Variants in SARM1 observed in about 807,000 individuals in gnomAD.
SARM1 encodes sterile alpha and TIR motif containing 1, also known as NAD(+) hydrolase SARM1.
SARM1 carries 60 observed loss-of-function variants against 65.1 expected under a neutral mutation model. That is an observed-to-expected ratio of 0.92 (90% CI 0.75 to 1.14). The LOEUF is 1.14. Ranked by LOEUF, SARM1 falls within the 50% of genes most tolerant of loss-of-function variation. The probability of loss-of-function intolerance (pLI) is 0.00; values close to 1 mark genes in which losing one functional copy is unlikely to be tolerated. For missense variants in SARM1, 913 were observed against 1,015.7 expected, an observed-to-expected ratio of 0.90 and a Z score of 1.37; for synonymous variants, 417 against 465.4, an observed-to-expected ratio of 0.90 and a Z score of 1.34.
At chr17:28,379,373 C>T (rs1341678566) in intron 1 of SARM1, among the ~76,000 whole-genome samples, 1 of 127,968 alleles carries the variant, frequency 7.8e-6, no homozygotes, top group Non-Finnish European at 1.5e-5. Flanking sequence ...TGCAGTGGTG[C>T]CATCTTGGCT....
intron 5 of SARM1, among the ~76,000 whole-genome samples, chr17:28,387,138 G>T (rs560958927): frequency 6.6e-6 from 1 of 152,196 alleles, no homozygotes; most frequent in Non-Finnish European, 1.5e-5. Context: ...GTTTTTAAGT[G>T]GGAGGAATGA....
Position 28,402,458 on chromosome 17 carries a change from G to A in SARM1, c.*6172G>A. The A allele has an allele frequency of 5.8e-6, 4 of 684,230 alleles. No homozygotes were observed. Among genetic ancestry groups the A allele is most frequent in the Non-Finnish European group, 1.0e-5 (4 of 396,854 alleles). 42.4% of individuals were successfully genotyped at this position (684,230 alleles called of 1,614,324 possible). A position where few individuals can be genotyped will look rare whatever the true frequency, so the allele number is the denominator to read the frequency against. ...GAAGAACTTCCTTGATGGTGAGGGT[G>A]GGAAGACAGTAGTCAAGGAGGAATG... On this transcript the variant is annotated 3_prime_UTR_variant, in exon 9 of 9. Coordinates refer to ENST00000585482, the MANE Select transcript of SARM1 (RefSeq NM_015077.4).
intron 2 of SARM1, 94 bp downstream of exon 2, chr17:28,381,915 C>T: frequency 4.5e-6 from 6 of 1,336,386 alleles, no homozygotes; most frequent in Non-Finnish European, 5.8e-6. Flanking sequence ...TCTTGAAATA[C>T]ACATCAGAAT....
intron 5 of SARM1, among the ~76,000 whole-genome samples, chr17:28,386,836 C>G (rs1042249774): frequency 6.6e-6 from 1 of 152,192 alleles, no homozygotes; most frequent in Admixed American, 6.5e-5. Context: ...ACCTCCCGGG[C>G]TCAAGTGATT....
intron 7 of SARM1, among the ~76,000 whole-genome samples, chr17:28,392,249 C>T (rs1394213895): frequency 1.3e-5 from 2 of 151,708 alleles, no homozygotes; most frequent in Non-Finnish European, 2.9e-5. Context: ...GTAGCTGGGA[C>T]TACAGGCACA....
chr17:28,374,896 C>T (rs2067979965), intron 1 of SARM1, among the ~76,000 whole-genome samples: 1 of 148,994 alleles, frequency 6.7e-6, no homozygotes, highest in Admixed American at 6.8e-5. Flanking sequence ...TGGCTTGAGC[C>T]CAGGAGGCGG....
At chr17:28,386,984 C>T (rs1358034538) in intron 5 of SARM1, among the ~76,000 whole-genome samples, 1 of 152,160 alleles carries the variant, frequency 6.6e-6, no homozygotes, top group Non-Finnish European at 1.5e-5. Flanking sequence ...AGCAATCTTC[C>T]CAACTTAGCC....
intron 2 of SARM1, among the ~76,000 whole-genome samples, chr17:28,382,094 G>A (rs1555585381): frequency 6.6e-6 from 1 of 152,136 alleles, no homozygotes; most frequent in African/African-American, 2.4e-5. Flanking sequence ...AAAGGGGCTT[G>A]GCAAGGGTGA....
chr17:28,381,854 G>A, intron 2 of SARM1, 33 bp downstream of exon 2: 1 of 1,404,818 alleles, frequency 7.1e-7, no homozygotes. Context: ...GTGGATCAGG[G>A]GTTAGAGAGC....
Position 28,385,069 on chromosome 17 carries a change from CCTT to C in SARM1, c.1426_1428del (p.Phe476del). ...TTTAGGGAGCTCACGGAGCTCAAGA[CCTT>C]CGCCAACTATTCTACGTGCGACCGC... On this transcript the variant is annotated inframe_deletion, in exon 5 of 9. Coordinates refer to ENST00000585482, the MANE Select transcript of SARM1 (RefSeq NM_015077.4). The surrounding 1 kb of genome is among the most constrained non-coding windows in gnomAD (Gnocchi z 4.5). 1 of 1,613,882 alleles carries C rather than the reference CCTT, an allele frequency of 6.2e-7. No homozygotes were observed. The highest frequency in any genetic ancestry group is 8.5e-7 in the Non-Finnish European group (1 of 1,179,828).
At position 28,384,647 on chromosome 17, in the gene SARM1, C is replaced by G; in HGVS notation, c.1302+78C>G. ...CAGGGACTGCGTTCCCTCCCCGCCTCGCAATCCCGCGGCGCCAGGGTCGCT... is the reference window on the plus strand; with the variant it reads ...CAGGGACTGCGTTCCCTCCCCGCCTGGCAATCCCGCGGCGCCAGGGTCGCT... On this transcript the variant is annotated intron_variant, in intron 3 of 8. Transcript: ENST00000585482. The surrounding 1 kb of genome is among the most constrained non-coding windows in gnomAD (Gnocchi z 4.4). 1 of 1,405,630 alleles carries G rather than the reference C, an allele frequency of 7.1e-7. No homozygotes were observed. Among genetic ancestry groups the G allele is most frequent in the Non-Finnish European group, 9.6e-7 (1 of 1,039,576 alleles). The allele number at this position is 1,405,630 out of a possible 1,614,324, so 87.1% of individuals were successfully genotyped here. A position where few individuals can be genotyped will look rare whatever the true frequency, so the allele number is the denominator to read the frequency against.
At chr17:28,387,670 C>T (rs1340234300) in intron 5 of SARM1, among the ~76,000 whole-genome samples, 2 of 152,228 alleles carry the variant, frequency 1.3e-5, no homozygotes, top group African/African-American at 2.4e-5. Flanking sequence ...TAGTACTGAG[C>T]GTGGCTCCAG....
Position 28,396,951 on chromosome 17 carries a change from C to T in SARM1, c.*665C>T, listed in dbSNP as rs2142446004. The T allele has an allele frequency of 6.6e-6, 1 of 152,552 alleles. No homozygotes were observed. Among genetic ancestry groups the T allele is most frequent in the African/African-American group, 2.4e-5 (1 of 41,596 alleles). The allele number at this position is 152,552 out of a possible 1,614,324, so 9.4% of individuals were successfully genotyped here. A position where few individuals can be genotyped will look rare whatever the true frequency, so the allele number is the denominator to read the frequency against. On this transcript the variant is annotated 3_prime_UTR_variant, in exon 9 of 9. Transcript: ENST00000585482. Reference sequence around the variant, plus strand: ...CCAGCCCTCCCTCTGACTTCCTTGTCACTGCAGCCAGCTTTGCTGCACTTG... The same window carrying T: ...CCAGCCCTCCCTCTGACTTCCTTGTTACTGCAGCCAGCTTTGCTGCACTTG...
chr17:28,400,933 T>C lies in SARM1; in HGVS notation c.*4647T>C, dbSNP rs1255673730. ...GTACTGTGACAAGGATTCAGTAAGG[T>C]CATATGTGGACAGTAGCTGGCACAG... On this transcript the variant is annotated 3_prime_UTR_variant, in exon 9 of 9. Coordinates refer to ENST00000585482, the MANE Select transcript of SARM1 (RefSeq NM_015077.4). 2.9e-6 allele frequency: 2 copies of C among 684,656 alleles called. No individual in the cohort carries two copies. The highest frequency in any genetic ancestry group is 5.2e-6 in the Non-Finnish European group (2 of 384,296). The allele number at this position is 684,656 out of a possible 1,614,324, so 42.4% of individuals were successfully genotyped here. A position where few individuals can be genotyped will look rare whatever the true frequency, so the allele number is the denominator to read the frequency against.
rs558864070 is a variant in SARM1, at chr17:28,395,950, A to G, written c.1969A>G (p.Ile657Val). The change falls in exon 8 of 9, where the codon ATT (isoleucine) becomes GTT (valine). Residue 657 changes from isoleucine (I) to valine (V), a missense_variant. By Grantham distance (29) the Ile-to-Val change is conservative. Around this residue, in one of 3 missense-constraint regions of SARM1, gnomAD observed 862 missense variants for 952.1 expected, o/e 0.91. Transcript: ENST00000585482. ...LSCGKNIVPI[I>V]DGFEWPEPQV... ...CTGCGGCAAGAACATTGTGCCCATCATTGATGGCTTCGAGTGGCCTGAGCC... is the reference window on the plus strand; with the variant it reads ...CTGCGGCAAGAACATTGTGCCCATCGTTGATGGCTTCGAGTGGCCTGAGCC... 1.2e-5 allele frequency: 19 copies of G among 1,613,840 alleles called. No homozygotes were observed. The highest frequency in any genetic ancestry group is 1.6e-4 in the Middle Eastern group (1 of 6,084).
rs2068209436 is a variant in SARM1 at position 28,402,472 on chromosome 17, C to G, written c.*6186C>G. 2 of 633,286 alleles carry G rather than the reference C, an allele frequency of 3.2e-6. No individual in the cohort carries two copies. The highest frequency in any genetic ancestry group is 2.8e-5 in the East Asian group (1 of 35,242). 39.2% of individuals were successfully genotyped at this position (633,286 alleles called of 1,614,324 possible). A position where few individuals can be genotyped will look rare whatever the true frequency, so the allele number is the denominator to read the frequency against. ...ATGGTGAGGGTGGGAAGACAGTAGT[C>G]AAGGAGGAATGGAGACTGCCCTTGT... On this transcript the variant is annotated 3_prime_UTR_variant, in exon 9 of 9. Coordinates refer to ENST00000585482, the MANE Select transcript of SARM1 (RefSeq NM_015077.4).
In SARM1 at chr17:28,381,750, G is replaced by A. The variant is rs781854217; in HGVS notation, c.1018G>A (p.Glu340Lys). The stretch of plus-strand genomic sequence containing the variant: ...GCCGTTGCTCGACTCTAACCGCTTG[G>A]AGGCGCAGTGCATCGGGGCTTTCTA... The part of the protein sequence containing the change: ...LVPLLDSNRL[E>K]AQCIGAFYLC... The change falls in exon 2 of 9, where the codon GAG becomes AAG. Residue 340 changes from glutamate to lysine, a missense_variant. Glu to Lys is a moderately conservative substitution (Grantham distance 56, BLOSUM62 1). Around this residue, in one of 3 missense-constraint regions of SARM1, gnomAD observed 862 missense variants for 952.1 expected, o/e 0.91. Coordinates refer to ENST00000585482, the MANE Select transcript of SARM1 (RefSeq NM_015077.4). 4.6e-5 allele frequency: 69 copies of A among 1,507,520 alleles called. No homozygotes were observed. Among genetic ancestry groups the A allele is most frequent in the Non-Finnish European group, 6.0e-5 (68 of 1,128,408 alleles). 93.4% of individuals were successfully genotyped at this position (1,507,520 alleles called of 1,614,324 possible).
rs1555588949 is a variant in SARM1, at chr17:28,399,345, C to T, written c.*3059C>T. 2 of 342,238 alleles carry T rather than the reference C, an allele frequency of 5.8e-6. No individual in the cohort carries two copies. The highest frequency in any genetic ancestry group is 1.1e-5 in the Non-Finnish European group (2 of 181,816). 21.2% of individuals were successfully genotyped at this position (342,238 alleles called of 1,614,324 possible). On this transcript the variant is annotated 3_prime_UTR_variant, in exon 9 of 9. Transcript: ENST00000585482. Reference sequence around the variant, plus strand: ...CCTGAAGTGTCACCTCTCTCAGGACCTCTCCTCTGGCCTGTGGGGTTATAA... The same window carrying T: ...CCTGAAGTGTCACCTCTCTCAGGACTTCTCCTCTGGCCTGTGGGGTTATAA...
chr17:28,377,263 A>C (rs1001548054), intron 1 of SARM1, among the ~76,000 whole-genome samples: 1 of 151,978 alleles, frequency 6.6e-6, no homozygotes, highest in Non-Finnish European at 1.5e-5. Context: ...CATGTCATGT[A>C]CCCTCTCTGA....
Sources: allele counts gnomAD v4.1 joint callset (sites outside exome capture counted in the v4.1 genomes callset), GRCh38; gene constraint gnomAD v4.1.1; regional missense constraint gnomAD v4.1.1; non-coding constraint Gnocchi (gnomAD v3.1); transcripts MANE v1.5; gene names NCBI Gene and HGNC (gene_info 2026-07-23, HGNC 2026-07-21).